The following TCF20 variants were observed in gnomAD, a reference collection of about 807,000 sequenced individuals.
TCF20 encodes SPRE-binding protein.
TCF20 carries 3 observed loss-of-function variants against 148.6 expected under a neutral mutation model. That is an observed-to-expected ratio of 0.02 (90% CI 0.01 to 0.05). TCF20 has a LOEUF of 0.05. Ranked by LOEUF, TCF20 falls within the 10% of genes least tolerant of loss-of-function variation. The pLI is 1.00. For missense variants in TCF20, 2,350 were observed against 2,429.3 expected, an observed-to-expected ratio of 0.97 and a Z score of 0.69; for synonymous variants, 1,049 against 909.5, an observed-to-expected ratio of 1.15 and a Z score of -2.76.
chr22:42,256,069 T>C (rs947934993), intron 1 of TCF20, among the ~76,000 whole-genome samples: 4 of 152,080 alleles, frequency 2.6e-5, no homozygotes, highest in African/African-American at 9.7e-5. Context: ...CTCTCTCTCG[T>C]CCATCCTTCA....
rs1398779017 is a variant in TCF20, at chr22:42,279,064, T to C, written c.-37+4763A>G. On this transcript the variant is annotated intron_variant, in intron 1 of 5. Transcript: ENST00000359486. The surrounding 1 kb of genome is among the most constrained non-coding windows in gnomAD (Gnocchi z 4.3). ...CTCTGTGGGCAAATGATGACAGACA[T>C]GCATGGTAACCACTTCTTCACAAGT... is the stretch of plus-strand genomic sequence containing the variant. 6.6e-6 allele frequency among the ~76,000 whole-genome samples: 1 copy of C among 152,156 alleles called. No individual in the cohort carries two copies. The highest frequency in any genetic ancestry group is 1.5e-5 in the Non-Finnish European group (1 of 68,018).
intron 1 of TCF20, among the ~76,000 whole-genome samples, chr22:42,308,548 A>G (rs571517374): frequency 1.4e-4 from 21 of 152,272 alleles, no homozygotes; most frequent in African/African-American, 4.6e-4. Context: ...CCACGAATCC[A>G]ACCCCAGAGT....
chr22:42,181,588 TCCC>T (rs951310122), intron 2 of TCF20, among the ~76,000 whole-genome samples: 1 of 141,350 alleles, frequency 7.1e-6, no homozygotes, highest in African/African-American at 2.7e-5. Flanking sequence ...CATTTTGCAC[TCCC>T]CCCAACCTTT....
At chr22:42,169,716 G>T in intron 4 of TCF20, 131 bp downstream of exon 4, 1 of 862,490 alleles carries the variant, frequency 1.2e-6, no homozygotes, top group East Asian at 2.5e-5. Flanking sequence ...GGGCCAGGAG[G>T]GGACTAACAG....
At chr22:42,255,936 G>A (rs1925717633) in intron 1 of TCF20, among the ~76,000 whole-genome samples, 1 of 152,042 alleles carries the variant, frequency 6.6e-6, no homozygotes. Flanking sequence ...CTTCCCCTCT[G>A]TCATCTCTAG....
chr22:42,245,721 G>A (rs146826338), intron 1 of TCF20, among the ~76,000 whole-genome samples: 1 of 152,264 alleles, frequency 6.6e-6, no homozygotes, highest in Non-Finnish European at 1.5e-5. Flanking sequence ...AGCTTTGGTA[G>A]AATTAACCAA....
At chr22:42,264,300 G>GA (rs1926171490) in intron 1 of TCF20, among the ~76,000 whole-genome samples, 1 of 151,092 alleles carries the variant, frequency 6.6e-6, no homozygotes, top group African/African-American at 2.4e-5. Flanking sequence ...GGGGAGGGGG[G>GA]AGAAACAGAC....
intron 1 of TCF20, among the ~76,000 whole-genome samples, chr22:42,335,802 GGT>G (rs1351336351): frequency 1.3e-5 from 2 of 152,096 alleles, no homozygotes; most frequent in Non-Finnish European, 2.9e-5. Flanking sequence ...AGCCCTTCAG[GGT>G]GCCAGCTCTG....
chr22:42,192,022 T>C (rs1429419293), intron 2 of TCF20, among the ~76,000 whole-genome samples: 2 of 152,222 alleles, frequency 1.3e-5, no homozygotes, highest in Non-Finnish European at 2.9e-5. Flanking sequence ...AAACAGTGGA[T>C]TAGCTTATAA....
intron 2 of TCF20, among the ~76,000 whole-genome samples, chr22:42,199,687 T>A (rs895155056): frequency 9.9e-6 from 1 of 100,812 alleles, no homozygotes; most frequent in Non-Finnish European, 1.8e-5. Flanking sequence ...CTGGCTAACA[T>A]GGCAAAACCC....
intron 1 of TCF20, among the ~76,000 whole-genome samples, chr22:42,234,480 C>G (rs937247983): frequency 2.9e-4 from 44 of 152,228 alleles, no homozygotes; most frequent in African/African-American, 1.0e-3. Flanking sequence ...ACGATTAATT[C>G]CTGTGAAATG....
At chr22:42,161,455 G>A (rs1039844606) in intron 5 of TCF20, 97 bp from the exon 6 acceptor site, 1 of 1,554,216 alleles carries the variant, frequency 6.4e-7, no homozygotes, top group African/African-American at 1.4e-5. Context: ...CTTTCAGCAG[G>A]GAGCCTGCAC....
In TCF20 at chr22:42,160,584, C is replaced by A; in HGVS notation, c.*819G>T. On this transcript the variant is annotated 3_prime_UTR_variant, in exon 6 of 6. Coordinates refer to ENST00000677622, the MANE Select transcript of TCF20 (RefSeq NM_001378418.1). ...GAGGTCCTCACCAGCCACAGTGACC[C>A]AGGACACAGCTATGACCTCAGGCAT... 1 of 151,904 alleles carries A rather than the reference C, an allele frequency of 6.6e-6. No homozygotes were observed. The allele number at this position is 151,904 out of a possible 1,614,324, so 9.4% of individuals were successfully genotyped here.
intron 1 of TCF20, among the ~76,000 whole-genome samples, chr22:42,226,126 C>T (rs1409150053): frequency 1.3e-5 from 2 of 152,094 alleles, no homozygotes; most frequent in African/African-American, 4.8e-5. Context: ...CAGGGGCATC[C>T]CAAGATCACT....
intron 1 of TCF20, among the ~76,000 whole-genome samples, chr22:42,310,275 A>G (rs1224060142): frequency 6.6e-6 from 1 of 152,210 alleles, no homozygotes; most frequent in African/African-American, 2.4e-5. Context: ...ATGTTGGCAC[A>G]TTCATCTAAC....
At chr22:42,324,028 G>GTGA (rs1927809223) in intron 1 of TCF20, among the ~76,000 whole-genome samples, 1 of 146,576 alleles carries the variant, frequency 6.8e-6, no homozygotes. Context: ...GGTGGTGGTG[G>GTGA]TGATGGAGGT....
In TCF20 at chr22:42,215,031, A is replaced by G. The variant is rs568726167; in HGVS notation, c.275T>C (p.Met92Thr). Residue 92 changes from methionine (M) to threonine (T), a missense_variant, in exon 2 of 6, where the codon ATG becomes ACG. Met to Thr is a moderately conservative substitution (Grantham distance 81). Around this residue, in one of 7 missense-constraint regions of TCF20, gnomAD observed 1,641 missense variants for 1,662.6 expected, o/e 0.99. Coordinates refer to ENST00000677622, the MANE Select transcript of TCF20 (RefSeq NM_001378418.1). ...AGTCACGGGGTCTTTGTTGCCTGCC[A>G]TGTAGTAAAAATCTCCAGCCTCTTT... ...FRKEAGDFYY[M>T]AGNKDPVTTG... The G allele has an allele frequency of 6.7e-5, 108 of 1,614,164 alleles. 1 individual carries two copies. In the South Asian group the frequency reaches 1.1e-3, roughly 17 times the overall value.
chr22:42,282,347 G>C (rs1449871395), intron 1 of TCF20, among the ~76,000 whole-genome samples: 1 of 152,208 alleles, frequency 6.6e-6, no homozygotes, highest in African/African-American at 2.4e-5. Context: ...TGAGCCCTGT[G>C]GCAGCCCAGA....
intron 1 of TCF20, among the ~76,000 whole-genome samples, chr22:42,255,590 T>C (rs1394446566): frequency 6.6e-6 from 1 of 152,210 alleles, no homozygotes; most frequent in Non-Finnish European, 1.5e-5. Flanking sequence ...CGACCTGTTT[T>C]GGAATCAACA....
Sources: allele counts gnomAD v4.1 joint callset (sites outside exome capture counted in the v4.1 genomes callset), GRCh38; gene constraint gnomAD v4.1.1; regional missense constraint gnomAD v4.1.1; non-coding constraint Gnocchi (gnomAD v3.1); transcripts MANE v1.5; gene names NCBI Gene and HGNC (gene_info 2026-07-23, HGNC 2026-07-21).